The following RREB1 variants were observed in gnomAD, a reference collection of about 807,000 sequenced individuals.
RREB1 encodes the protein ras-responsive element-binding protein 1.
Under a neutral mutation model 117.8 loss-of-function variants are expected in RREB1, and 27 were observed. The observed-to-expected ratio is 0.23, with a 90% CI of 0.17 to 0.32. The LOEUF (loss-of-function observed/expected upper bound fraction) is 0.32, where lower values mean the gene tolerates loss of function less well. Ranked by LOEUF, RREB1 falls within the 10% of genes least tolerant of loss-of-function variation. The probability of loss-of-function intolerance (pLI) is 1.00; values close to 1 mark genes in which losing one functional copy is unlikely to be tolerated. For synonymous variants in RREB1, 1,298 were observed against 1,026.7 expected, an observed-to-expected ratio of 1.26 and a Z score of -5.05; for missense variants, 2,577 against 2,378.2, an observed-to-expected ratio of 1.08 and a Z score of -1.74.
At chr6:7,118,549 T>A (rs573691482) in intron 1 of RREB1, among the ~76,000 whole-genome samples, 2 of 152,346 alleles carry the variant, frequency 1.3e-5, no homozygotes, top group South Asian at 4.1e-4. Context: ...TAAATCTGTA[T>A]GTATTTGGCT....
At chr6:7,134,795 A>G (rs1277203737) in intron 1 of RREB1, among the ~76,000 whole-genome samples, 3 of 152,240 alleles carry the variant, frequency 2.0e-5, no homozygotes, top group Non-Finnish European at 4.4e-5. Context: ...ATGTAACCCT[A>G]AAGTCTAATG....
At chr6:7,152,373 A>G (rs188692844) in intron 1 of RREB1, among the ~76,000 whole-genome samples, 3 of 152,282 alleles carry the variant, frequency 2.0e-5, no homozygotes, top group Admixed American at 1.3e-4. Context: ...TTAGGTTTTC[A>G]TTATTGTTAA....
chr6:7,172,344 G>A (rs964008386), intron 1 of RREB1, among the ~76,000 whole-genome samples: 10 of 151,942 alleles, frequency 6.6e-5, no homozygotes, highest in Admixed American at 5.2e-4. Context: ...CAAGTTTGCT[G>A]CCCCCCTTCA....
Position 7,246,865 on chromosome 6 carries a change from G to A in RREB1, c.4415G>A (p.Arg1472His), listed in dbSNP as rs200432516. Residue 1472 changes from arginine (R) to histidine (H), a missense_variant, in exon 12 of 13, where the codon CGC becomes CAC. By Grantham distance (29) the Arg-to-His change is conservative. Transcript: ENST00000379938. ...TLSRHRKAHG[R>H]QEPKDEKGDG... ...AGCCGCCACCGGAAGGCGCACGGCC[G>A]CCAGGAGCCCAAGGACGAGAAGGGA... The A allele has an allele frequency of 2.6e-5, 40 of 1,552,808 alleles. No homozygotes were observed. The highest frequency in any genetic ancestry group is 3.2e-5 in the Non-Finnish European group (37 of 1,148,454).
intron 1 of RREB1, among the ~76,000 whole-genome samples, chr6:7,145,350 A>T (rs1245370334): frequency 6.6e-6 from 1 of 152,164 alleles, no homozygotes; most frequent in Non-Finnish European, 1.5e-5. Flanking sequence ...ACCTGTGATT[A>T]GTATGTGTGT....
In RREB1 at chr6:7,246,827, C is replaced by T. The variant is rs548922017; in HGVS notation, c.4377C>T (p.Phe1459=). The T allele has an allele frequency of 3.9e-5, 60 of 1,553,242 alleles. 1 individual carries two copies. The South Asian group carries it at 5.6e-4, about 14-fold the overall frequency. ...ACACCTGTGGGAAGAGCTTCAAGTT[C>T]CTGGGCACCCTGAGCCGCCACCGGA... ...ACDTCGKSFK[F]LGTLSRHRKA... The change falls in exon 12 of 13, where the codon TTC becomes TTT. Residue 1459 remains phenylalanine (F), a synonymous_variant. Transcript: ENST00000379938.
chr6:7,180,579 G>A (rs148577988), intron 2 of RREB1, among the ~76,000 whole-genome samples: 105 of 152,350 alleles, frequency 6.9e-4, no homozygotes, highest in African/African-American at 2.3e-3. Flanking sequence ...TGGACCTGTA[G>A]CCATAATAGT....
intron 8 of RREB1, among the ~76,000 whole-genome samples, chr6:7,222,551 C>A (rs1040388138): frequency 2.0e-5 from 3 of 152,150 alleles, no homozygotes; most frequent in African/African-American, 7.2e-5. Context: ...TCTTTATTGT[C>A]ATGCCTTCAT....
At chr6:7,226,722 G>T in intron 9 of RREB1, 66 bp downstream of exon 9, 1 of 1,238,126 alleles carries the variant, frequency 8.1e-7, no homozygotes, top group Non-Finnish European at 1.1e-6. Flanking sequence ...TTAGACCATG[G>T]GAACTTCCTC....
chr6:7,140,984 C>T (rs554527011), intron 1 of RREB1, among the ~76,000 whole-genome samples: 8 of 152,314 alleles, frequency 5.3e-5, no homozygotes, highest in Admixed American at 3.9e-4. Flanking sequence ...CATTGTGCCT[C>T]GGGAACACGG....
At chr6:7,199,260 T>G (rs1211213473) in intron 6 of RREB1, among the ~76,000 whole-genome samples, 2 of 152,212 alleles carry the variant, frequency 1.3e-5, no homozygotes, top group African/African-American at 4.8e-5. Context: ...TAACGTTTAC[T>G]CACAAAATCC....
At chr6:7,187,235 G>T (rs1161606133) in intron 4 of RREB1, among the ~76,000 whole-genome samples, 199 bp from the exon 5 acceptor site, 1 of 152,128 alleles carries the variant, frequency 6.6e-6, no homozygotes, top group Non-Finnish European at 1.5e-5. Context: ...ATGGTAGGTG[G>T]TACTGTTTTT....
At position 7,251,318 on chromosome 6, in the gene RREB1, G is replaced by C. The variant is rs1156298459; in HGVS notation, c.*2350G>C. The C allele has an allele frequency of 6.6e-6, 1 of 151,952 alleles. No individual in the cohort carries two copies. Among genetic ancestry groups the C allele is most frequent in the Non-Finnish European group, 1.5e-5 (1 of 67,998 alleles). The allele number at this position is 151,952 out of a possible 1,614,324, so 9.4% of individuals were successfully genotyped here. A position where few individuals can be genotyped will look rare whatever the true frequency, so the allele number is the denominator to read the frequency against. ...CCCCCACCCCCCAATATTAAACTGT[G>C]AAATTTGTGATTTGTTTAAACTCTG... On this transcript the variant is annotated 3_prime_UTR_variant, in exon 13 of 13. Coordinates refer to ENST00000379938, the MANE Select transcript of RREB1 (RefSeq NM_001003699.4).
At chr6:7,123,052 C>T (rs1316099330) in intron 1 of RREB1, among the ~76,000 whole-genome samples, 2 of 152,094 alleles carry the variant, frequency 1.3e-5, no homozygotes, top group Non-Finnish European at 1.5e-5. Context: ...CCCTCGGGTC[C>T]CTGGTTTGTT....
At chr6:7,148,730 A>C (rs1762985591) in intron 1 of RREB1, among the ~76,000 whole-genome samples, 1 of 152,150 alleles carries the variant, frequency 6.6e-6, no homozygotes, top group Admixed American at 6.5e-5. Flanking sequence ...TTATATGGAA[A>C]ATTAATTTCT....
chr6:7,210,963 C>T lies in RREB1; in HGVS notation c.570+15C>T. ...CAGCTAAAAAGGTCCTCTTGGCTCC[C>T]AGTGCAGATTCACCTGCTCAGGGGA... On this transcript the variant is annotated intron_variant, in intron 7 of 12. Coordinates refer to ENST00000379938, the MANE Select transcript of RREB1 (RefSeq NM_001003699.4). 6.2e-7 allele frequency: 1 copy of T among 1,611,544 alleles called. No individual in the cohort carries two copies. The highest frequency in any genetic ancestry group is 8.5e-7 in the Non-Finnish European group (1 of 1,178,712).
intron 1 of RREB1, among the ~76,000 whole-genome samples, chr6:7,163,487 G>A (rs1240637058): frequency 6.6e-6 from 1 of 152,058 alleles, no homozygotes; most frequent in East Asian, 1.9e-4. Flanking sequence ...TACCTCCTGG[G>A]TTCACACCAT....
At chr6:7,223,590 A>C (rs1449016369) in intron 8 of RREB1, among the ~76,000 whole-genome samples, 1 of 143,552 alleles carries the variant, frequency 7.0e-6, no homozygotes, top group Non-Finnish European at 1.5e-5. Flanking sequence ...AAGAGTATTC[A>C]GGAAGATCTC....
intron 1 of RREB1, among the ~76,000 whole-genome samples, chr6:7,126,241 C>T (rs1480049288): frequency 6.6e-6 from 1 of 152,168 alleles, no homozygotes; most frequent in South Asian, 2.1e-4. Flanking sequence ...ACCTCGTGAT[C>T]CGCCCGCCTT....
Sources: gnomAD v4.1 joint callset for allele counts (sites outside exome capture counted in the v4.1 genomes callset) on GRCh38, gnomAD v4.1.1 for gene constraint, MANE v1.5 for transcripts, NCBI Gene and HGNC (gene_info 2026-07-23, HGNC 2026-07-21) for gene names.